The following SLC35D4 variants were observed in gnomAD, a reference collection of about 807,000 sequenced individuals.
The protein encoded by SLC35D4 is UDP-N-acetylglucosamine transporter SLC35D4.
chr18:23,431,860 C>T, the SLC35D4 span, among the ~76,000 whole-genome samples: 1 of 152,122 alleles, frequency 6.6e-6, no homozygotes, highest in Non-Finnish European at 1.5e-5. Flanking sequence ...AAGTCTAAAA[C>T]CATTAAACGG....
At chr18:23,332,214 A>T in the SLC35D4 span, among the ~76,000 whole-genome samples, 65 of 144,700 alleles carry the variant, frequency 4.5e-4, no homozygotes, top group South Asian at 1.9e-3. Flanking sequence ...TATTTTTTTT[A>T]AAAAAATAAC....
chr18:23,384,269 C>T, the SLC35D4 span, among the ~76,000 whole-genome samples: 5 of 151,590 alleles, frequency 3.3e-5, no homozygotes, highest in South Asian at 6.3e-4. Flanking sequence ...CCAGCCTGGG[C>T]GACAGAGCAA....
the SLC35D4 span, among the ~76,000 whole-genome samples, chr18:23,322,868 C>T: frequency 6.6e-6 from 1 of 152,174 alleles, no homozygotes; most frequent in Non-Finnish European, 1.5e-5. Context: ...TCAGTGACAA[C>T]CTGGTATGGA....
At chr18:23,321,513 G>A in the SLC35D4 span, among the ~76,000 whole-genome samples, 62 of 152,088 alleles carry the variant, frequency 4.1e-4, no homozygotes, top group East Asian at 0.011. Context: ...CTGGAGTATA[G>A]TGTGCAATCA....
chr18:23,256,637 C>T, the SLC35D4 span, among the ~76,000 whole-genome samples: 2 of 152,008 alleles, frequency 1.3e-5, no homozygotes, highest in Non-Finnish European at 2.9e-5. Flanking sequence ...CCCACCGCCA[C>T]GCCCGGCTCA....
the SLC35D4 span, among the ~76,000 whole-genome samples, chr18:23,332,932 T>G: frequency 6.6e-6 from 1 of 152,210 alleles, no homozygotes; most frequent in South Asian, 2.1e-4. Flanking sequence ...ACCCAGGTCT[T>G]TCTGTCTCCG....
chr18:23,321,478 A>G, the SLC35D4 span, among the ~76,000 whole-genome samples: 3 of 151,072 alleles, frequency 2.0e-5, no homozygotes, highest in African/African-American at 7.3e-5. Context: ...TTTTTTTGAG[A>G]CAGGGTCTTG....
chr18:23,368,361 T>A, the SLC35D4 span, among the ~76,000 whole-genome samples: 4 of 152,186 alleles, frequency 2.6e-5, no homozygotes, highest in African/African-American at 9.7e-5. Context: ...GTTGGGAAGA[T>A]GGACCCAAGG....
At chr18:23,370,377 G>C in the SLC35D4 span, 3 of 965,130 alleles carry the variant, frequency 3.1e-6, no homozygotes, top group Admixed American at 2.3e-5. Context: ...ACGACTGCTG[G>C]TCCTTTTCCC....
the SLC35D4 span, among the ~76,000 whole-genome samples, chr18:23,343,283 A>G: frequency 2.0e-5 from 3 of 150,594 alleles, no homozygotes; most frequent in African/African-American, 2.4e-5. Flanking sequence ...TTTGAGACAG[A>G]GTTTCACTCT....
At chr18:23,377,588 G>T in the SLC35D4 span, 1 of 1,518,242 alleles carries the variant, frequency 6.6e-7, no homozygotes, top group Non-Finnish European at 8.8e-7. Flanking sequence ...TATCATTCAA[G>T]TTAAAAATAG....
the SLC35D4 span, chr18:23,259,780 G>A: frequency 7.9e-5 from 12 of 152,260 alleles, no homozygotes; most frequent in Non-Finnish European, 1.3e-4. Flanking sequence ...CCTGTGAAGC[G>A]AGAAGGCCAG....
the SLC35D4 span, among the ~76,000 whole-genome samples, chr18:23,249,151 C>T: frequency 1.3e-5 from 2 of 152,258 alleles, no homozygotes; most frequent in Non-Finnish European, 2.9e-5. Flanking sequence ...AACCACAGCC[C>T]TTGCTCCAGC....
the SLC35D4 span, among the ~76,000 whole-genome samples, chr18:23,434,187 T>G: frequency 6.6e-6 from 1 of 152,154 alleles, no homozygotes; most frequent in African/African-American, 2.4e-5. Flanking sequence ...ATGTACAACC[T>G]ACCTGGCTCT....
the SLC35D4 span, chr18:23,352,439 A>C: frequency 1.9e-6 from 1 of 539,022 alleles, no homozygotes; most frequent in Non-Finnish European, 3.0e-6. Context: ...CTCTGGATGA[A>C]AATAAAAAAA....
At chr18:23,262,541 G>A in the SLC35D4 span, among the ~76,000 whole-genome samples, 1 of 152,262 alleles carries the variant, frequency 6.6e-6, no homozygotes, top group East Asian at 1.9e-4. Flanking sequence ...CTTATGAAAT[G>A]TGTCTTCCAC....
At chr18:23,268,636 C>G in the SLC35D4 span, among the ~76,000 whole-genome samples, 3 of 152,120 alleles carry the variant, frequency 2.0e-5, no homozygotes, top group Non-Finnish European at 4.4e-5. Context: ...CTTCTGGAAT[C>G]TGCATAAACT....
chr18:23,307,555 G>A, the SLC35D4 span, among the ~76,000 whole-genome samples: 1 of 152,200 alleles, frequency 6.6e-6, no homozygotes. Context: ...GCCCTTGAAC[G>A]AGAGGCACAT....
At chr18:23,284,781 T>G in the SLC35D4 span, among the ~76,000 whole-genome samples, 1 of 152,244 alleles carries the variant, frequency 6.6e-6, no homozygotes, top group Non-Finnish European at 1.5e-5. Flanking sequence ...CCCTGGCTGG[T>G]GCCACCTACC....
Sources: gnomAD v4.1 joint callset for allele counts (sites outside exome capture counted in the v4.1 genomes callset) on GRCh38, gnomAD v4.1.1 for gene constraint, MANE v1.5 for transcripts, NCBI Gene and HGNC (gene_info 2026-07-23, HGNC 2026-07-21) for gene names.